Variants in MITF observed in about 807,000 individuals in gnomAD.
MITF encodes microphthalmia-associated transcription factor.
Under a neutral mutation model 60.5 loss-of-function variants are expected in MITF, and 17 were observed. The ratio of observed to expected loss-of-function variants is 0.28; its 90% CI spans 0.19 to 0.42. MITF has a LOEUF of 0.42. MITF is among the 10% of genes least tolerant of loss of function. The probability of loss-of-function intolerance (pLI) is 1.00; values close to 1 mark genes in which losing one functional copy is unlikely to be tolerated. For synonymous variants in MITF, 260 were observed against 248.5 expected (o/e 1.05, Z -0.43); for missense variants, 622 against 683.5 (o/e 0.91, Z 1.00).
At chr3:69,956,088 T>G (rs1466809162) in intron 7 of MITF, among the ~76,000 whole-genome samples, 1 of 152,244 alleles carries the variant, frequency 6.6e-6, no homozygotes, top group African/African-American at 2.4e-5. Flanking sequence ...GTTTGCTGAC[T>G]TCTGCTCTAA....
chr3:69,952,092 T>G (rs1417850293), intron 7 of MITF, among the ~76,000 whole-genome samples: 2 of 152,210 alleles, frequency 1.3e-5, no homozygotes, highest in Non-Finnish European at 2.9e-5. Flanking sequence ...TATATATACT[T>G]ATTTTCAGTT....
intron 8 of MITF, among the ~76,000 whole-genome samples, chr3:69,958,345 G>T (rs1037887222): frequency 6.6e-6 from 1 of 152,168 alleles, no homozygotes; most frequent in African/African-American, 2.4e-5. Flanking sequence ...CCCCTGGGTT[G>T]CCATCTTTGG....
chr3:69,961,639 C>T (rs2066550998), intron 9 of MITF, among the ~76,000 whole-genome samples: 1 of 151,798 alleles, frequency 6.6e-6, no homozygotes, highest in African/African-American at 2.4e-5. Context: ...GAGGCTGAGG[C>T]AGGAGAACCC....
chr3:69,740,429 C>T (rs1703487093), intron 1 of MITF, among the ~76,000 whole-genome samples: 1 of 152,124 alleles, frequency 6.6e-6, no homozygotes, highest in Non-Finnish European at 1.5e-5. Context: ...GGGAGTGTAC[C>T]CCGCTTGGCA....
chr3:69,868,401 TTGTGGTC>T (rs1172722033), intron 1 of MITF, among the ~76,000 whole-genome samples: 1 of 152,164 alleles, frequency 6.6e-6, no homozygotes, highest in Non-Finnish European at 1.5e-5. Flanking sequence ...CTATTATCTG[TTGTGGTC>T]TGTGGATTTT....
intron 1 of MITF, among the ~76,000 whole-genome samples, chr3:69,844,220 T>C (rs1206829171): frequency 1.3e-5 from 2 of 152,142 alleles, no homozygotes; most frequent in Non-Finnish European, 2.9e-5. Flanking sequence ...GCATGTGTCC[T>C]TGTAGTAGAA....
chr3:69,870,331 C>A (rs1174589437), intron 1 of MITF, among the ~76,000 whole-genome samples: 2 of 148,188 alleles, frequency 1.3e-5, no homozygotes, highest in African/African-American at 5.0e-5. Context: ...TATATATACA[C>A]ACATACATGT....
intron 1 of MITF, among the ~76,000 whole-genome samples, chr3:69,872,030 A>G (rs1489890912): frequency 1.3e-5 from 2 of 152,212 alleles, no homozygotes; most frequent in Non-Finnish European, 2.9e-5. Flanking sequence ...TCTAGAGTAC[A>G]GTCTAGTGAA....
chr3:69,758,150 G>C (rs6782833), intron 1 of MITF, among the ~76,000 whole-genome samples: 110,857 of 148,292 alleles, frequency 0.75, 41,864 homozygotes, highest in Non-Finnish European at 0.81. Context: ...CACTTTCCCA[G>C]CACTCAGAAA....
At chr3:69,812,675 C>T (rs1427238069) in intron 1 of MITF, among the ~76,000 whole-genome samples, 1 of 152,164 alleles carries the variant, frequency 6.6e-6, no homozygotes, top group African/African-American at 2.4e-5. Context: ...GTTCTGCTCA[C>T]AATGCGGGTG....
intron 1 of MITF, among the ~76,000 whole-genome samples, chr3:69,821,586 A>G (rs531877118): frequency 6.6e-6 from 1 of 151,844 alleles, no homozygotes; most frequent in Admixed American, 6.6e-5. Context: ...TTCCTTCAAT[A>G]GGATCAAATT....
chr3:69,843,897 C>G (rs537629295), intron 1 of MITF, among the ~76,000 whole-genome samples: 1 of 152,062 alleles, frequency 6.6e-6, no homozygotes, highest in Non-Finnish European at 1.5e-5. Context: ...TCTCCTAGTC[C>G]CCCGCCCCAC....
chr3:69,818,545 C>A (rs182706899), intron 1 of MITF, among the ~76,000 whole-genome samples: 246 of 152,244 alleles, frequency 1.6e-3, no homozygotes, highest in African/African-American at 5.6e-3. Flanking sequence ...ACATGCCCAC[C>A]TTTCCAGTCT....
intron 2 of MITF, among the ~76,000 whole-genome samples, chr3:69,935,531 A>G (rs2065814017): frequency 6.6e-6 from 1 of 152,156 alleles, no homozygotes; most frequent in Non-Finnish European, 1.5e-5. Flanking sequence ...TAAAAAAAAA[A>G]TCTCTGTGAA....
In MITF at chr3:69,739,698, G is replaced by A; in HGVS notation, c.101G>A (p.Ser34Asn). 6.4e-7 allele frequency: 1 copy of A among 1,565,786 alleles called. No individual in the cohort carries two copies. Among genetic ancestry groups the A allele is most frequent in the African/African-American group, 1.3e-5 (1 of 74,276 alleles). ...GAACTCAAAAGTCAACCGCTGAAGAGCAGGTGAGTGGTGACAGCTGGGCAG... is the reference window on the plus strand; with the variant it reads ...GAACTCAAAAGTCAACCGCTGAAGAACAGGTGAGTGGTGACAGCTGGGCAG... ...YYELKSQPLK[S>N]SSSAEHPGAS... Residue 34 changes from serine (S) to asparagine (N), a missense_variant, in exon 1 of 10, where the codon AGC becomes AAC. Physicochemically the swap from Ser to Asn is conservative, Grantham distance 46. Around this residue, in one of 5 missense-constraint regions of MITF, gnomAD observed 149 missense variants for 157.8 expected, o/e 0.94. Coordinates refer to ENST00000352241, the MANE Select transcript of MITF (RefSeq NM_001354604.2).
chr3:69,908,032 GTTTGT>G (rs902699316), intron 2 of MITF, among the ~76,000 whole-genome samples: 3 of 152,188 alleles, frequency 2.0e-5, no homozygotes, highest in African/African-American at 4.8e-5. Flanking sequence ...TTTTGTTGTT[GTTTGT>G]TTTGTTTTAT....
rs373945151 is a variant in MITF at position 69,951,812 on chromosome 3, C to T, written c.881C>T (p.Ala294Val). ...NLPNIKRELTACIFPTESEAR... is the reference protein window; with the variant it reads ...NLPNIKRELTVCIFPTESEAR... ...CTAATGACTTCATTCACGTGCACAG[C>T]GTGTATTTTTCCCACAGAGTCTGAA... Residue 294 changes from alanine to valine, a missense_variant and splice_region_variant, in exon 7 of 10, where the codon GCG becomes GTG. Coordinates refer to ENST00000352241, the MANE Select transcript of MITF (RefSeq NM_001354604.2). 1.1e-5 allele frequency: 18 copies of T among 1,612,598 alleles called. No individual in the cohort carries two copies. Among genetic ancestry groups the T allele is most frequent in the African/African-American group, 5.3e-5 (4 of 74,970 alleles).
chr3:69,781,858 A>G (rs888240956), intron 1 of MITF, among the ~76,000 whole-genome samples: 5 of 152,144 alleles, frequency 3.3e-5, no homozygotes, highest in African/African-American at 7.2e-5. Flanking sequence ...TCTCTTGTCG[A>G]AGGCTTGGCA....
chr3:69,832,690 T>C (rs115218797), intron 1 of MITF, among the ~76,000 whole-genome samples: 1 of 83,844 alleles, frequency 1.2e-5, no homozygotes, highest in East Asian at 2.0e-4. Context: ...AGTGTATGTG[T>C]TTTTTTTGCC....
Sources: gnomAD v4.1 joint callset for allele counts (sites outside exome capture counted in the v4.1 genomes callset) on GRCh38, gnomAD v4.1.1 for gene constraint, gnomAD v4.1.1 regional missense constraint, MANE v1.5 for transcripts, NCBI Gene and HGNC (gene_info 2026-07-23, HGNC 2026-07-21) for gene names.